The following ROCK2 variants were observed in gnomAD, a reference collection of about 807,000 sequenced individuals.
ROCK2 encodes the protein Rho associated coiled-coil containing protein kinase 2.
ROCK2 carries 61 observed loss-of-function variants against 195.1 expected under a neutral mutation model. The observed-to-expected ratio is 0.31, with a 90% confidence interval of 0.25 to 0.39. The LOEUF is 0.39. Ranked by LOEUF, ROCK2 falls within the 10% of genes least tolerant of loss-of-function variation. The probability of loss-of-function intolerance (pLI) is 1.00; values close to 1 mark genes in which losing one functional copy is unlikely to be tolerated. For missense variants in ROCK2, 1,109 were observed against 1,637.4 expected, an observed-to-expected ratio of 0.68 and a Z score of 5.57; for synonymous variants, 504 against 545.5, an observed-to-expected ratio of 0.92 and a Z score of 1.06.
At chr2:11,328,930 G>C (rs866652012) in intron 1 of ROCK2, among the ~76,000 whole-genome samples, 1 of 136,072 alleles carries the variant, frequency 7.3e-6, no homozygotes, top group African/African-American at 2.6e-5. Context: ...GGTGAGGGGA[G>C]GGGGGAGGGA....
Position 11,292,384 on chromosome 2 carries a change from T to C in ROCK2, c.142-4648A>G, listed in dbSNP as rs1458136858. ...TTATTCCTCACAGCATATAAGTTAATACTATTGTCATACCTACATTAGTAG... is the reference window on the plus strand; with the variant it reads ...TTATTCCTCACAGCATATAAGTTAACACTATTGTCATACCTACATTAGTAG... On this transcript the variant is annotated intron_variant, in intron 1 of 32. Coordinates refer to ENST00000315872, the MANE Select transcript of ROCK2 (RefSeq NM_004850.5). Among the ~76,000 whole-genome samples, 3 of 152,312 alleles carry C rather than the reference T, an allele frequency of 2.0e-5. No homozygotes were observed. In the Middle Eastern group the frequency reaches 0.01, roughly 518 times the overall value.
intron 3 of ROCK2, among the ~76,000 whole-genome samples, chr2:11,251,732 C>T (rs1665836748): frequency 6.6e-6 from 1 of 152,124 alleles, no homozygotes; most frequent in Non-Finnish European, 1.5e-5. Flanking sequence ...AGGCAACCTA[C>T]AGAATGGGAG....
At chr2:11,310,813 CTAAAT>C (rs1668009231) in intron 1 of ROCK2, among the ~76,000 whole-genome samples, 1 of 151,908 alleles carries the variant, frequency 6.6e-6, no homozygotes, top group Non-Finnish European at 1.5e-5. Flanking sequence ...TTAAGTTACA[CTAAAT>C]TACTTAATTT....
chr2:11,343,537 G>A (rs1489609043), intron 1 of ROCK2, among the ~76,000 whole-genome samples: 4 of 152,196 alleles, frequency 2.6e-5, no homozygotes, highest in Non-Finnish European at 4.4e-5. Flanking sequence ...AGACTAAAAG[G>A]AGAGAGTGAG....
chr2:11,298,248 T>C (rs1667597193), intron 1 of ROCK2, among the ~76,000 whole-genome samples: 1 of 151,968 alleles, frequency 6.6e-6, no homozygotes, highest in Non-Finnish European at 1.5e-5. Flanking sequence ...GGCAGGCAAA[T>C]TACCTGAGGT....
intron 1 of ROCK2, among the ~76,000 whole-genome samples, chr2:11,311,842 G>A (rs1260653200): frequency 6.6e-6 from 1 of 152,154 alleles, no homozygotes; most frequent in South Asian, 2.1e-4. Context: ...CTATTAATAT[G>A]TTTGAGATAT....
At chr2:11,324,094 C>G (rs567502601) in intron 1 of ROCK2, among the ~76,000 whole-genome samples, 6 of 152,298 alleles carry the variant, frequency 3.9e-5, no homozygotes, top group African/African-American at 4.8e-5. Context: ...CACACTCTTA[C>G]CATACAGTCC....
intron 1 of ROCK2, among the ~76,000 whole-genome samples, chr2:11,324,072 T>C (rs1029305068): frequency 3.9e-5 from 6 of 152,214 alleles, no homozygotes; most frequent in Admixed American, 2.6e-4. Context: ...CAGAACGTCA[T>C]ACAGCTGGAA....
chr2:11,320,946 G>A (rs1009078602), intron 1 of ROCK2, among the ~76,000 whole-genome samples: 8 of 152,184 alleles, frequency 5.3e-5, no homozygotes, highest in African/African-American at 1.9e-4. Flanking sequence ...ACTCCCCCTA[G>A]AGTCTTCAGT....
At chr2:11,211,458 G>A (rs1664242749) in intron 18 of ROCK2, among the ~76,000 whole-genome samples, 1 of 152,082 alleles carries the variant, frequency 6.6e-6, no homozygotes, top group Admixed American at 6.6e-5. Context: ...ATCTGATCAT[G>A]TAATTTTGTG....
Position 11,300,463 on chromosome 2 carries a change from C to T in ROCK2, c.142-12727G>A, listed in dbSNP as rs545373124. Among the ~76,000 whole-genome samples the T allele has an allele frequency of 2.1e-3, 319 of 152,244 alleles. 1 individual carries two copies. Among genetic ancestry groups the T allele is most frequent in the Middle Eastern group, 6.8e-3 (2 of 294 alleles). On this transcript the variant is annotated intron_variant, in intron 1 of 32. Transcript: ENST00000315872. ...ACTTTTAGTAGAGATGGGTTTTCACCATGTTGACTAGGCTGGTCTCGAACT... is the reference window on the plus strand; with the variant it reads ...ACTTTTAGTAGAGATGGGTTTTCACTATGTTGACTAGGCTGGTCTCGAACT...
At chr2:11,218,651 G>A (rs987540917) in intron 10 of ROCK2, among the ~76,000 whole-genome samples, 185 bp from the exon 11 acceptor site, 1 of 152,110 alleles carries the variant, frequency 6.6e-6, no homozygotes, top group Non-Finnish European at 1.5e-5. Context: ...ATTTAGCTTT[G>A]CATTCATTTA....
chr2:11,234,822 T>TGATCA (rs1370234582), intron 5 of ROCK2, among the ~76,000 whole-genome samples: 1 of 152,056 alleles, frequency 6.6e-6, no homozygotes, highest in Middle Eastern at 3.2e-3. Context: ...GAAGGTAGAA[T>TGATCA]GATCAATAAA....
Position 11,317,612 on chromosome 2 carries a change from A to ATATATT in ROCK2, c.141+26383_141+26384insAATATA, listed in dbSNP as rs59701503. ...TATATATATATATATATATATATAT[A>ATATATT]TTTTTTTTTTTTTTTAATTATACTT... On this transcript the variant is annotated intron_variant, in intron 1 of 32. Coordinates refer to ENST00000315872, the MANE Select transcript of ROCK2 (RefSeq NM_004850.5). Among the ~76,000 whole-genome samples the ATATATT allele has an allele frequency of 1.7e-3, 33 of 19,292 alleles. 2 individuals carry two copies. The highest frequency in any genetic ancestry group is 4.0e-3 in the East Asian group (2 of 506). The allele number at this position is 19,292 out of a possible 152,430, so 12.7% of individuals were successfully genotyped here. A position where few individuals can be genotyped will look rare whatever the true frequency, so the allele number is the denominator to read the frequency against.
At chr2:11,271,888 C>T (rs1464426702) in intron 3 of ROCK2, among the ~76,000 whole-genome samples, 8 of 151,876 alleles carry the variant, frequency 5.3e-5, no homozygotes, top group East Asian at 3.9e-4. Flanking sequence ...GGCGTGGTGG[C>T]GGGCACCTGT....
intron 23 of ROCK2, among the ~76,000 whole-genome samples, chr2:11,200,688 A>G (rs1347678728): frequency 6.6e-5 from 10 of 152,144 alleles, no homozygotes; most frequent in Non-Finnish European, 4.4e-5. Context: ...GGTAGTTTCA[A>G]GATTCTTCTG....
intron 3 of ROCK2, among the ~76,000 whole-genome samples, chr2:11,279,685 T>C (rs906004140): frequency 6.6e-6 from 1 of 152,216 alleles, no homozygotes; most frequent in Non-Finnish European, 1.5e-5. Context: ...CAACTGGATA[T>C]AACTGACATC....
intron 4 of ROCK2, among the ~76,000 whole-genome samples, chr2:11,248,343 T>G (rs1471609135): frequency 6.6e-6 from 1 of 152,002 alleles, no homozygotes; most frequent in Non-Finnish European, 1.5e-5. Flanking sequence ...TGTTCAAAAA[T>G]GTCTGCAGAT....
intron 3 of ROCK2, among the ~76,000 whole-genome samples, chr2:11,268,567 C>A (rs10175719): frequency 6.7e-6 from 1 of 149,626 alleles, no homozygotes; most frequent in Non-Finnish European, 1.5e-5. Context: ...TCTCTGCATT[C>A]ACAGATGACT....
Sources: gnomAD v4.1 joint callset for allele counts (sites outside exome capture counted in the v4.1 genomes callset) on GRCh38, gnomAD v4.1.1 for gene constraint, MANE v1.5 for transcripts, NCBI Gene and HGNC (gene_info 2026-07-23, HGNC 2026-07-21) for gene names.